Variants in IMPG1 observed in about 807,000 individuals in gnomAD.
IMPG1 encodes the protein interphotoreceptor matrix proteoglycan of 150 kDa.
Under a neutral mutation model 92.0 loss-of-function variants are expected in IMPG1, and 85 were observed. The ratio of observed to expected loss-of-function variants is 0.92; its 90% CI spans 0.78 to 1.11. The LOEUF is 1.11. IMPG1 is among the 50% of genes least tolerant of loss of function. IMPG1 has a pLI of 0.00. For missense variants in IMPG1, 1,022 were observed against 956.0 expected, an observed-to-expected ratio of 1.07 and a Z score of -0.91; for synonymous variants, 367 against 334.1, an observed-to-expected ratio of 1.10 and a Z score of -1.08.
Position 76,018,852 on chromosome 6 carries a change from C to G in IMPG1, c.673G>C (p.Glu225Gln), listed in dbSNP as rs752150485. Reference sequence around the variant, plus strand: ...TCCTCCAACACAGCGAATTCTGTTTCTCTTTCCTGAGTTTAAAAAAAAAAA... The same window carrying G: ...TCCTCCAACACAGCGAATTCTGTTTGTCTTTCCTGAGTTTAAAAAAAAAAA... ...NDTKMPTTER[E>Q]TEFAVLEEQR... Residue 225 changes from glutamate (E) to glutamine (Q), a missense_variant, in exon 7 of 17, where the codon GAA becomes CAA. Transcript: ENST00000369950. 2.5e-6 allele frequency: 4 copies of G among 1,571,754 alleles called. No individual in the cohort carries two copies. Among genetic ancestry groups the G allele is most frequent in the Non-Finnish European group, 3.4e-6 (4 of 1,162,574 alleles).
chr6:76,040,079 A>T lies in IMPG1; in HGVS notation c.301+1814T>A, dbSNP rs566954371. On this transcript the variant is annotated intron_variant, in intron 2 of 16. Coordinates refer to ENST00000369950, the MANE Select transcript of IMPG1 (RefSeq NM_001563.4). ...CTTATTTCTTGTTTCTTTGTGAACC[A>T]ATTTGTTCGACTTAAGAAACCCATG... Among the ~76,000 whole-genome samples the T allele has an allele frequency of 4.6e-5, 7 of 152,274 alleles. No individual in the cohort carries two copies. In the South Asian group the frequency reaches 1.2e-3, roughly 27 times the overall value.
intron 12 of IMPG1, among the ~76,000 whole-genome samples, chr6:75,982,091 A>G (rs1434737484): frequency 6.6e-6 from 1 of 152,226 alleles, no homozygotes; most frequent in Non-Finnish European, 1.5e-5. Context: ...TATTTGAAGA[A>G]ATCATAGCCT....
At chr6:75,924,168 T>C (rs1373594610) in intron 15 of IMPG1, among the ~76,000 whole-genome samples, 1 of 151,668 alleles carries the variant, frequency 6.6e-6, no homozygotes, top group Non-Finnish European at 1.5e-5. Flanking sequence ...GTAGTCATTA[T>C]GGAAAACCAT....
At chr6:75,947,795 A>G (rs555540374) in intron 13 of IMPG1, among the ~76,000 whole-genome samples, 1 of 152,230 alleles carries the variant, frequency 6.6e-6, no homozygotes, top group East Asian at 1.9e-4. Context: ...TTGTGAGAAC[A>G]GATGATTTTT....
intron 4 of IMPG1, 124 bp from the exon 5 acceptor site, chr6:76,025,382 C>A: frequency 2.1e-6 from 1 of 475,726 alleles, no homozygotes; most frequent in Non-Finnish European, 3.7e-6. Context: ...TACTTTAAAA[C>A]TAGATTGACC....
At chr6:76,061,328 G>C (rs1369264594) in intron 1 of IMPG1, among the ~76,000 whole-genome samples, 1 of 152,210 alleles carries the variant, frequency 6.6e-6, no homozygotes, top group Non-Finnish European at 1.5e-5. Context: ...AAGAAAGTCT[G>C]TCTGGGACCT....
chr6:75,979,005 C>T (rs565450674), intron 12 of IMPG1, among the ~76,000 whole-genome samples: 9 of 152,258 alleles, frequency 5.9e-5, no homozygotes, highest in East Asian at 5.8e-4. Context: ...TCCACCTCCT[C>T]GGGCTCAGGT....
intron 2 of IMPG1, among the ~76,000 whole-genome samples, chr6:76,041,604 A>T (rs531805952): frequency 6.6e-6 from 1 of 152,296 alleles, no homozygotes; most frequent in African/African-American, 2.4e-5. Context: ...CATTGGCAAA[A>T]ATAAAAAATA....
chr6:76,022,408 T>G (rs894267820), intron 5 of IMPG1, among the ~76,000 whole-genome samples, 189 bp from the exon 6 acceptor site: 1 of 152,174 alleles, frequency 6.6e-6, no homozygotes, highest in African/African-American at 2.4e-5. Flanking sequence ...CTGTCCTAAA[T>G]TCTTCATTCT....
chr6:75,973,752 C>T (rs1782459844), intron 12 of IMPG1, among the ~76,000 whole-genome samples: 1 of 152,134 alleles, frequency 6.6e-6, no homozygotes, highest in African/African-American at 2.4e-5. Context: ...CCTTTGTCTT[C>T]AGGGAACTTT....
At chr6:75,999,786 C>G (rs888169015) in intron 12 of IMPG1, among the ~76,000 whole-genome samples, 1 of 152,164 alleles carries the variant, frequency 6.6e-6, no homozygotes, top group African/African-American at 2.4e-5. Context: ...AAATCACAAG[C>G]TCAAATATGA....
Position 75,921,708 on chromosome 6 carries a change from A to C in IMPG1, c.*381T>G. On this transcript the variant is annotated 3_prime_UTR_variant, in exon 17 of 17. Transcript: ENST00000369950. ...TAAATGTACTTTCTAGCATATAAAG[A>C]GTTTGCTTCCCAATAAATTGTTCAG... 1 of 201,202 alleles carries C rather than the reference A, an allele frequency of 5.0e-6. No individual in the cohort carries two copies. Among genetic ancestry groups the C allele is most frequent in the South Asian group, 8.5e-5 (1 of 11,714 alleles). 12.5% of individuals were successfully genotyped at this position (201,202 alleles called of 1,614,324 possible).
chr6:75,965,960 T>C (rs928608104), intron 12 of IMPG1, among the ~76,000 whole-genome samples: 4 of 152,178 alleles, frequency 2.6e-5, no homozygotes, highest in Non-Finnish European at 5.9e-5. Context: ...CCAGTCTGTA[T>C]CTTTTCTTCT....
At chr6:76,014,727 G>A (rs955961486) in intron 7 of IMPG1, among the ~76,000 whole-genome samples, 9 of 152,106 alleles carry the variant, frequency 5.9e-5, no homozygotes, top group African/African-American at 2.2e-4. Context: ...CCCTGGGACT[G>A]GCATTGTAGA....
chr6:75,979,655 G>A (rs1006702804), intron 12 of IMPG1, among the ~76,000 whole-genome samples: 13 of 152,140 alleles, frequency 8.5e-5, no homozygotes, highest in African/African-American at 2.4e-4. Context: ...TTTAGTAAAC[G>A]CCAAGCAAGG....
At chr6:75,974,944 A>G (rs1782510457) in intron 12 of IMPG1, among the ~76,000 whole-genome samples, 1 of 152,266 alleles carries the variant, frequency 6.6e-6, no homozygotes, top group Non-Finnish European at 1.5e-5. Context: ...TTCTATCAGT[A>G]AGTGAAAGAA....
At chr6:75,975,481 C>G (rs1401185024) in intron 12 of IMPG1, among the ~76,000 whole-genome samples, 1 of 152,190 alleles carries the variant, frequency 6.6e-6, no homozygotes, top group African/African-American at 2.4e-5. Context: ...TGGCAGTTAT[C>G]TAATTTTAGA....
chr6:75,947,597 C>A (rs1781950486), intron 13 of IMPG1, 64 bp from the exon 14 acceptor site: 2 of 1,052,402 alleles, frequency 1.9e-6, no homozygotes, highest in East Asian at 2.5e-5. Context: ...GCTAATTCCA[C>A]TTACACTCAC....
intron 12 of IMPG1, among the ~76,000 whole-genome samples, chr6:75,982,044 A>G (rs1274635966): frequency 5.3e-5 from 8 of 152,192 alleles, no homozygotes; most frequent in Non-Finnish European, 1.2e-4. Flanking sequence ...TTTACAGAAG[A>G]TTTTGAGAAA....
Sources: allele counts gnomAD v4.1 joint callset (sites outside exome capture counted in the v4.1 genomes callset), GRCh38; gene constraint gnomAD v4.1.1; transcripts MANE v1.5; gene names NCBI Gene and HGNC (gene_info 2026-07-23, HGNC 2026-07-21).